The following LIPI variants were observed in gnomAD, a reference collection of about 807,000 sequenced individuals.
LIPI encodes the protein lipase member I.
Under a neutral mutation model 50.6 loss-of-function variants are expected in LIPI, and 59 were observed. The ratio of observed to expected loss-of-function variants is 1.16; its 90% CI spans 0.94 to 1.45. LIPI has a LOEUF of 1.45. Among genes scored for constraint, LIPI ranks in the 40% most tolerant of loss-of-function variants. LIPI has a pLI of 0.00. For missense variants in LIPI, 586 were observed against 536.3 expected, an observed-to-expected ratio of 1.09 and a Z score of -0.92; for synonymous variants, 203 against 178.2, an observed-to-expected ratio of 1.14 and a Z score of -1.11.
At chr21:14,111,142 A>T (rs1482038455) in intron 9 of LIPI, among the ~76,000 whole-genome samples, 4 of 151,764 alleles carry the variant, frequency 2.6e-5, no homozygotes, top group African/African-American at 9.7e-5. Context: ...TTCTATTTTT[A>T]ATGTTTTTAG....
intron 1 of LIPI, chr21:14,206,954 CTTTG>C: frequency 7.2e-7 from 1 of 1,379,718 alleles, no homozygotes. Context: ...TTCACTAGCT[CTTTG>C]TTTATTCATG....
intron 2 of LIPI, among the ~76,000 whole-genome samples, chr21:14,188,397 G>T (rs144766776): frequency 5.9e-5 from 9 of 151,640 alleles, no homozygotes; most frequent in African/African-American, 2.2e-4. Context: ...GTGAAACCTC[G>T]TCTCTACTAA....
intron 7 of LIPI, among the ~76,000 whole-genome samples, chr21:14,154,728 C>CA (rs936803932): frequency 2.0e-5 from 3 of 151,662 alleles, no homozygotes; most frequent in Admixed American, 1.3e-4. Flanking sequence ...GCATAAAAAG[C>CA]AAAAAAATAA....
chr21:14,190,195 G>T (rs1301671259), intron 1 of LIPI, among the ~76,000 whole-genome samples: 1 of 151,986 alleles, frequency 6.6e-6, no homozygotes, highest in Non-Finnish European at 1.5e-5. Context: ...ATCTACCCTA[G>T]AAAGAACTAG....
intron 4 of LIPI, among the ~76,000 whole-genome samples, chr21:14,178,961 C>G (rs1302435307): frequency 6.6e-6 from 1 of 152,068 alleles, no homozygotes; most frequent in Non-Finnish European, 1.5e-5. Context: ...AGAGGCAACT[C>G]AGATAACGAG....
intron 9 of LIPI, among the ~76,000 whole-genome samples, chr21:14,133,621 C>G (rs1410226812): frequency 1.3e-5 from 2 of 152,086 alleles, no homozygotes; most frequent in East Asian, 1.9e-4. Context: ...TAAGTTCTCA[C>G]CCCAGATAAA....
chr21:14,175,794 C>A (rs2019072594), intron 4 of LIPI, among the ~76,000 whole-genome samples: 1 of 152,042 alleles, frequency 6.6e-6, no homozygotes, highest in Admixed American at 6.6e-5. Context: ...TGTGTCTTCT[C>A]TTTTTGTTCT....
At chr21:14,132,820 A>T (rs2123005480) in intron 9 of LIPI, among the ~76,000 whole-genome samples, 1 of 152,310 alleles carries the variant, frequency 6.6e-6, no homozygotes, top group Admixed American at 6.5e-5. Context: ...AAGGGATATT[A>T]CAACTGACAC....
intron 1 of LIPI, 97 bp from the exon 2 acceptor site, chr21:14,189,516 G>A: frequency 9.1e-7 from 1 of 1,101,494 alleles, no homozygotes; most frequent in South Asian, 1.4e-5. Flanking sequence ...GGGTAGGGAG[G>A]ATTTCATTTC....
At chr21:14,166,265 T>C in intron 5 of LIPI, 97 bp downstream of exon 5, 2 of 797,768 alleles carry the variant, frequency 2.5e-6, no homozygotes, top group East Asian at 2.5e-5. Flanking sequence ...GATGATGAAA[T>C]CAAAACACTG....
At chr21:14,109,394 G>C (rs1285495637) in intron 9 of LIPI, among the ~76,000 whole-genome samples, 1 of 152,070 alleles carries the variant, frequency 6.6e-6, no homozygotes, top group Non-Finnish European at 1.5e-5. Context: ...ACTCAACTCA[G>C]TATCCAGGCC....
intron 9 of LIPI, among the ~76,000 whole-genome samples, chr21:14,110,335 T>C (rs1409455712): frequency 1.5e-5 from 2 of 137,588 alleles, no homozygotes; most frequent in African/African-American, 5.6e-5. Context: ...TAAATTTGAC[T>C]TCATTTTTTT....
chr21:14,113,153 T>C (rs2123300734), intron 9 of LIPI, among the ~76,000 whole-genome samples: 1 of 152,346 alleles, frequency 6.6e-6, no homozygotes, highest in South Asian at 2.1e-4. Context: ...TACAAAAATA[T>C]AGAACATTCA....
chr21:14,141,676 G>A (rs1430097048), intron 9 of LIPI, among the ~76,000 whole-genome samples: 1 of 152,074 alleles, frequency 6.6e-6, no homozygotes, highest in Non-Finnish European at 1.5e-5. Flanking sequence ...CTTAAATGAC[G>A]AAAGTGGTAG....
At position 14,178,180 on chromosome 21, in the gene LIPI, T is replaced by C. The variant is rs140239750; in HGVS notation, c.643+3578A>G. Among the ~76,000 whole-genome samples, 1,180 of 152,264 alleles carry C rather than the reference T, an allele frequency of 7.7e-3. 12 individuals carry two copies. Among genetic ancestry groups the C allele is most frequent in the African/African-American group, 0.018 (751 of 41,566 alleles). On this transcript the variant is annotated intron_variant, in intron 4 of 9. Coordinates refer to ENST00000681601, the MANE Select transcript of LIPI (RefSeq NM_001302998.2). Reference sequence around the variant, plus strand: ...CTCAATGGAGATTAATCTTTATTATTTTTCTTATTGAATGGAATTAATTGG... The same window carrying C: ...CTCAATGGAGATTAATCTTTATTATCTTTCTTATTGAATGGAATTAATTGG...
chr21:14,183,172 A>G (rs1269793623), intron 3 of LIPI, among the ~76,000 whole-genome samples: 12 of 152,230 alleles, frequency 7.9e-5, no homozygotes, highest in Admixed American at 6.5e-5. Flanking sequence ...ATAATGCTGC[A>G]TATCTACAAC....
At chr21:14,175,652 A>C (rs374192360) in intron 4 of LIPI, among the ~76,000 whole-genome samples, 3 of 152,280 alleles carry the variant, frequency 2.0e-5, no homozygotes, top group East Asian at 3.9e-4. Flanking sequence ...ATAGCTCATA[A>C]ACCATTTATT....
chr21:14,112,989 A>G (rs2016475818), intron 9 of LIPI, among the ~76,000 whole-genome samples: 1 of 152,236 alleles, frequency 6.6e-6, no homozygotes, highest in Non-Finnish European at 1.5e-5. Flanking sequence ...GATAAGGCAC[A>G]TAGAAGGGTC....
intron 9 of LIPI, among the ~76,000 whole-genome samples, chr21:14,141,704 CATGTACACAGAGGGTGG>C (rs2017715936): frequency 6.6e-6 from 1 of 152,190 alleles, no homozygotes; most frequent in Non-Finnish European, 1.5e-5. Context: ...GGCATTTGCC[CATGTACACAGAGGGTGG>C]ATTATCCTTG....
Sources: gnomAD v4.1 joint callset for allele counts (sites outside exome capture counted in the v4.1 genomes callset) on GRCh38, gnomAD v4.1.1 for gene constraint, MANE v1.5 for transcripts, NCBI Gene and HGNC (gene_info 2026-07-23, HGNC 2026-07-21) for gene names.